The following DSCAM variants were observed in gnomAD, a reference collection of about 807,000 sequenced individuals.
The protein encoded by DSCAM is cell adhesion molecule DSCAM.
DSCAM carries 47 observed loss-of-function variants against 217.7 expected under a neutral mutation model. That is an observed-to-expected ratio of 0.22 (90% CI 0.17 to 0.28). The LOEUF (loss-of-function observed/expected upper bound fraction) is 0.28, where lower values mean the gene tolerates loss of function less well. Ranked by LOEUF, DSCAM falls within the 10% of genes least tolerant of loss-of-function variation. The probability of loss-of-function intolerance (pLI) is 1.00; values close to 1 mark genes in which losing one functional copy is unlikely to be tolerated. For missense variants in DSCAM, 2,080 were observed against 2,618.3 expected, an observed-to-expected ratio of 0.79 and a Z score of 4.49; for synonymous variants, 1,056 against 1,015.3, an observed-to-expected ratio of 1.04 and a Z score of -0.76.
chr21:40,505,443 T>C lies in DSCAM; in HGVS notation c.509-136198A>G, dbSNP rs11910449. On this transcript the variant is annotated intron_variant, in intron 3 of 32. Coordinates refer to ENST00000400454, the MANE Select transcript of DSCAM (RefSeq NM_001389.5). ...GTGAAAGTCTTATGATTCACAGCAT[T>C]CTGAGAAAAAAAAAAAGTCTGGTAA... Among the ~76,000 whole-genome samples the C allele has an allele frequency of 8.8e-3, 1,345 of 152,098 alleles. 24 individuals are homozygous for C. Among genetic ancestry groups the C allele is most frequent in the African/African-American group, 0.031 (1,273 of 41,512 alleles).
chr21:40,518,449 ATATAT>A (rs1568871337), intron 3 of DSCAM, among the ~76,000 whole-genome samples: 1 of 26,152 alleles, frequency 3.8e-5, no homozygotes, highest in Non-Finnish European at 5.4e-5. Context: ...TATATATATT[ATATAT>A]TATATATAAT....
At chr21:40,799,385 T>C (rs1601279592) in intron 1 of DSCAM, among the ~76,000 whole-genome samples, 1 of 152,300 alleles carries the variant, frequency 6.6e-6, no homozygotes, top group East Asian at 1.9e-4. Flanking sequence ...AGCTGATTGG[T>C]GAAACTCAGA....
chr21:40,343,626 A>C (rs756320762), intron 6 of DSCAM, among the ~76,000 whole-genome samples: 9 of 152,128 alleles, frequency 5.9e-5, no homozygotes, highest in Admixed American at 1.3e-4. Flanking sequence ...GCATTATAAG[A>C]TAAGCTCCAA....
chr21:40,192,171 C>T (rs1392886028), intron 11 of DSCAM, among the ~76,000 whole-genome samples: 1 of 152,130 alleles, frequency 6.6e-6, no homozygotes, highest in Non-Finnish European at 1.5e-5. Flanking sequence ...AAGATTTCTC[C>T]TGCCCATTTG....
chr21:40,343,311 C>T (rs1397359429), intron 6 of DSCAM, among the ~76,000 whole-genome samples: 1 of 152,110 alleles, frequency 6.6e-6, no homozygotes, highest in Admixed American at 6.5e-5. Flanking sequence ...ACTAGGGCTG[C>T]TAGTATAATG....
Position 40,084,789 on chromosome 21 carries a change from C to G in DSCAM, c.4133-783G>C, listed in dbSNP as rs1333317473. Reference sequence around the variant, plus strand: ...ATCTCTTCAGAGTCATAATATAGTGCCTGTCTTCCAAAATTCCCTGGAATT... The same window carrying G: ...ATCTCTTCAGAGTCATAATATAGTGGCTGTCTTCCAAAATTCCCTGGAATT... On this transcript the variant is annotated intron_variant, in intron 23 of 32. Transcript: ENST00000400454. Among the ~76,000 whole-genome samples the G allele has an allele frequency of 3.3e-5, 5 of 151,956 alleles. No individual in the cohort carries two copies. The South Asian group carries it at 1.0e-3, about 32-fold the overall frequency.
chr21:40,765,495 T>C (rs147033777), intron 1 of DSCAM, among the ~76,000 whole-genome samples: 325 of 152,246 alleles, frequency 2.1e-3, no homozygotes, highest in African/African-American at 7.5e-3. Flanking sequence ...AGTGTGCAAG[T>C]GATATTTCCA....
At chr21:40,760,086 C>A (rs1251222572) in intron 1 of DSCAM, among the ~76,000 whole-genome samples, 1 of 151,946 alleles carries the variant, frequency 6.6e-6, no homozygotes, top group Non-Finnish European at 1.5e-5. Flanking sequence ...CTCCACCCCC[C>A]AGGTTCAAGC....
At chr21:40,406,438 T>C (rs1359909419) in intron 3 of DSCAM, among the ~76,000 whole-genome samples, 1 of 152,144 alleles carries the variant, frequency 6.6e-6, no homozygotes, top group African/African-American at 2.4e-5. Context: ...AAAATATGTA[T>C]AAACCATGAA....
chr21:40,409,168 C>T (rs1473508735), intron 3 of DSCAM, among the ~76,000 whole-genome samples: 1 of 152,146 alleles, frequency 6.6e-6, no homozygotes, highest in East Asian at 1.9e-4. Flanking sequence ...ATACCTTTAG[C>T]TTCTGAGTAT....
chr21:40,733,163 C>T (rs997014461), intron 1 of DSCAM, among the ~76,000 whole-genome samples: 2 of 152,186 alleles, frequency 1.3e-5, no homozygotes, highest in Non-Finnish European at 2.9e-5. Flanking sequence ...GTAGTTGCTG[C>T]ACTCGTAAAT....
At chr21:40,289,304 G>A (rs2073863668) in intron 10 of DSCAM, among the ~76,000 whole-genome samples, 1 of 152,210 alleles carries the variant, frequency 6.6e-6, no homozygotes, top group South Asian at 2.1e-4. Flanking sequence ...GGTCACAGGT[G>A]AGAGCCAAGC....
intron 1 of DSCAM, among the ~76,000 whole-genome samples, chr21:40,783,099 G>C (rs186956365): frequency 6.6e-6 from 1 of 152,236 alleles, no homozygotes; most frequent in African/African-American, 2.4e-5. Context: ...ACAGAAAAGA[G>C]AGAAGGGAGA....
At chr21:40,494,968 C>A (rs62225511) in intron 3 of DSCAM, among the ~76,000 whole-genome samples, 13,118 of 151,828 alleles carry the variant, frequency 0.086, 689 homozygotes, top group Middle Eastern at 0.16. Context: ...AACAGTTATA[C>A]ACCAACAAAC....
intron 14 of DSCAM, among the ~76,000 whole-genome samples, chr21:40,185,143 T>G (rs767282408): frequency 1.3e-5 from 2 of 152,100 alleles, no homozygotes; most frequent in Non-Finnish European, 2.9e-5. Flanking sequence ...TCAGTAATCA[T>G]AGAGATACAT....
At chr21:40,109,569 C>T (rs548797443) in intron 20 of DSCAM, among the ~76,000 whole-genome samples, 34 of 152,280 alleles carry the variant, frequency 2.2e-4, no homozygotes, top group South Asian at 8.3e-4. Context: ...GGACAGTGGA[C>T]GCAGGACAGC....
intron 3 of DSCAM, among the ~76,000 whole-genome samples, chr21:40,466,984 T>G (rs2075850665): frequency 1.3e-5 from 2 of 152,232 alleles, no homozygotes; most frequent in African/African-American, 4.8e-5. Context: ...ATCTGTTGAT[T>G]ATTTTTAAAT....
intron 19 of DSCAM, among the ~76,000 whole-genome samples, chr21:40,131,273 A>C (rs2090151741): frequency 6.6e-6 from 1 of 152,196 alleles, no homozygotes; most frequent in South Asian, 2.1e-4. Context: ...AATTCTGTAA[A>C]CTGCTGAAAT....
intron 3 of DSCAM, among the ~76,000 whole-genome samples, chr21:40,398,935 C>G (rs565654813): frequency 6.6e-6 from 1 of 152,226 alleles, no homozygotes; most frequent in South Asian, 2.1e-4. Flanking sequence ...TTTGTATCTC[C>G]CATGTAAGTA....
Sources: gnomAD v4.1 joint callset for allele counts (sites outside exome capture counted in the v4.1 genomes callset) on GRCh38, gnomAD v4.1.1 for gene constraint, MANE v1.5 for transcripts, NCBI Gene and HGNC (gene_info 2026-07-23, HGNC 2026-07-21) for gene names.